Variants in PLPPR5 observed in about 807,000 individuals in gnomAD.
PLPPR5 encodes phospholipid phosphatase related 5.
A neutral mutation model predicts 33.9 loss-of-function variants in PLPPR5; 16 were observed. The observed-to-expected ratio is 0.47, with a 90% CI of 0.32 to 0.72. The LOEUF (loss-of-function observed/expected upper bound fraction) is 0.72. Among genes scored for constraint, PLPPR5 ranks in the 30% least tolerant of loss-of-function variants. The probability of loss-of-function intolerance (pLI) is 0.03; values close to 1 mark genes in which losing one functional copy is unlikely to be tolerated. For synonymous variants in PLPPR5, 163 were observed against 150.3 expected (o/e 1.08, Z -0.62); for missense variants, 301 against 406.7 (o/e 0.74, Z 2.23).
At chr1:98,944,062 T>C (rs1247177198) in intron 3 of PLPPR5, among the ~76,000 whole-genome samples, 1 of 152,224 alleles carries the variant, frequency 6.6e-6, no homozygotes, top group Non-Finnish European at 1.5e-5. Context: ...CAAGACATCA[T>C]GCTGACAAGA....
intron 3 of PLPPR5, among the ~76,000 whole-genome samples, chr1:98,947,662 A>T (rs1201180755): frequency 1.3e-5 from 2 of 151,994 alleles, no homozygotes; most frequent in Non-Finnish European, 2.9e-5. Flanking sequence ...AGGGTTAATA[A>T]TGAAAGGGGT....
At chr1:98,927,339 A>C (rs1649804523) in intron 3 of PLPPR5, among the ~76,000 whole-genome samples, 1 of 152,212 alleles carries the variant, frequency 6.6e-6, no homozygotes, top group African/African-American at 2.4e-5. Context: ...CTCAAGGTCA[A>C]GGTGGGGAGG....
chr1:99,003,510 G>T (rs1049387664), intron 1 of PLPPR5, among the ~76,000 whole-genome samples: 28 of 152,056 alleles, frequency 1.8e-4, no homozygotes, highest in African/African-American at 6.7e-4. Context: ...AAAATATCAG[G>T]TTTTCTAAAG....
chr1:98,918,136 T>C (rs1311013849), intron 4 of PLPPR5, among the ~76,000 whole-genome samples: 1 of 152,228 alleles, frequency 6.6e-6, no homozygotes, highest in Non-Finnish European at 1.5e-5. Context: ...TTTCACTCTT[T>C]GTTGGCAAAT....
intron 1 of PLPPR5, among the ~76,000 whole-genome samples, chr1:99,003,444 G>A (rs1451380090): frequency 6.6e-6 from 1 of 151,892 alleles, no homozygotes; most frequent in Non-Finnish European, 1.5e-5. Context: ...GGGAGAGAGA[G>A]AGCGCGCATC....
At chr1:98,928,278 C>T (rs1649836264) in intron 3 of PLPPR5, among the ~76,000 whole-genome samples, 1 of 151,974 alleles carries the variant, frequency 6.6e-6, no homozygotes, top group African/African-American at 2.4e-5. Context: ...TTGGGCTTCA[C>T]ATCTACTTTT....
intron 3 of PLPPR5, among the ~76,000 whole-genome samples, chr1:98,931,704 G>C (rs914325684): frequency 6.6e-6 from 1 of 152,118 alleles, no homozygotes; most frequent in African/African-American, 2.4e-5. Context: ...CGGGACGGGG[G>C]TGAGTACAGA....
At chr1:98,949,149 T>C (rs958108250) in intron 3 of PLPPR5, among the ~76,000 whole-genome samples, 3 of 152,164 alleles carry the variant, frequency 2.0e-5, no homozygotes, top group Non-Finnish European at 2.9e-5. Flanking sequence ...CAAAGGTAAA[T>C]TTAAACATTC....
Position 98,956,645 on chromosome 1 carries a change from T to C in PLPPR5, c.334A>G (p.Ile112Val). ...KTILTGDCCY[I>V]NPLVRRTVRF... ...ACAGTTCGGCGCACCAGCGGGTTTA[T>C]ATAGCAACAGTCTCCAGTTAAAATA... Residue 112 changes from isoleucine (I) to valine (V), a missense_variant, in exon 2 of 6, where the codon ATA (isoleucine) becomes GTA (valine). By Grantham distance (29) the Ile-to-Val change is conservative (BLOSUM62 3). Coordinates refer to ENST00000263177, the MANE Select transcript of PLPPR5 (RefSeq NM_001037317.2). 7 of 1,601,924 alleles carry C rather than the reference T, an allele frequency of 4.4e-6. No homozygotes were observed. Among genetic ancestry groups the C allele is most frequent in the Non-Finnish European group, 5.1e-6 (6 of 1,175,934 alleles).
intron 1 of PLPPR5, among the ~76,000 whole-genome samples, chr1:98,969,826 T>C (rs1236025254): frequency 6.6e-6 from 1 of 152,066 alleles, no homozygotes; most frequent in East Asian, 1.9e-4. Flanking sequence ...GTTTCTGTTG[T>C]ACAGTGGTCA....
chr1:98,985,262 G>A (rs1352999344), intron 1 of PLPPR5, among the ~76,000 whole-genome samples: 5 of 151,986 alleles, frequency 3.3e-5, no homozygotes, highest in African/African-American at 9.7e-5. Context: ...TCTGTCTTTA[G>A]GCAGATAAGG....
At chr1:98,926,277 C>T (rs1258874800) in intron 3 of PLPPR5, among the ~76,000 whole-genome samples, 4 of 152,226 alleles carry the variant, frequency 2.6e-5, no homozygotes, top group Non-Finnish European at 2.9e-5. Context: ...CCGGTGCCCA[C>T]TACAACTGAC....
At chr1:98,905,378 C>A (rs965709939) in intron 5 of PLPPR5, among the ~76,000 whole-genome samples, 53 of 152,060 alleles carry the variant, frequency 3.5e-4, no homozygotes, top group African/African-American at 1.3e-3. Context: ...TAGACATCAA[C>A]TTTTTGACAT....
chr1:98,914,674 A>G (rs1649274935), intron 5 of PLPPR5, 112 bp downstream of exon 5: 1 of 953,118 alleles, frequency 1.0e-6, no homozygotes, highest in Non-Finnish European at 1.5e-6. Context: ...TAAATATCAC[A>G]TTACACTAAG....
Position 99,001,671 on chromosome 1 carries a change from G to GATAGATATAT in PLPPR5, c.237+2763_237+2764insATATATCTAT, listed in dbSNP as rs1247519605. Among the ~76,000 whole-genome samples, 90 of 102,174 alleles carry GATAGATATAT rather than the reference G, an allele frequency of 8.8e-4. 1 individual carries two copies. In the East Asian group the frequency reaches 0.014, roughly 16 times the overall value. The allele number at this position is 102,174 out of a possible 152,430, so 67.0% of individuals were successfully genotyped here. On this transcript the variant is annotated intron_variant, in intron 1 of 5. Transcript: ENST00000263177. ...ACTAGAAATGAGTTTGAAAGTTAAA[G>GATAGATATAT]ATATATATATATATATATATATATA...
intron 1 of PLPPR5, among the ~76,000 whole-genome samples, chr1:98,967,713 G>A (rs72730375): frequency 0.091 from 13,827 of 152,072 alleles, 723 homozygotes; most frequent in Non-Finnish European, 0.11. Flanking sequence ...TGAGGTTATT[G>A]TTATAACATT....
rs529122452 is a variant in PLPPR5 at position 98,897,051 on chromosome 1, G to A, written c.934-3947C>T. 2.0e-5 allele frequency among the ~76,000 whole-genome samples: 3 copies of A among 152,238 alleles called. No homozygotes were observed. The South Asian group carries it at 6.2e-4, about 32-fold the overall frequency. ...CATTATTAATGGCTTCTTAGTTAAG[G>A]AATGCTAAATTCATATTAATGATTG... On this transcript the variant is annotated intron_variant, in intron 5 of 5. Transcript: ENST00000263177.
chr1:98,900,202 T>C (rs1648641090), intron 5 of PLPPR5, among the ~76,000 whole-genome samples: 1 of 152,142 alleles, frequency 6.6e-6, no homozygotes, highest in African/African-American at 2.4e-5. Flanking sequence ...GACCCTACAG[T>C]TGATCATAAG....
intron 3 of PLPPR5, among the ~76,000 whole-genome samples, chr1:98,923,595 A>G (rs950100698): frequency 1.3e-5 from 2 of 152,096 alleles, no homozygotes; most frequent in African/African-American, 4.8e-5. Context: ...AAGCAGTCCA[A>G]GTGATACAAG....
Sources: gnomAD v4.1 joint callset for allele counts (sites outside exome capture counted in the v4.1 genomes callset) on GRCh38, gnomAD v4.1.1 for gene constraint, MANE v1.5 for transcripts, NCBI Gene and HGNC (gene_info 2026-07-23, HGNC 2026-07-21) for gene names.